Variants in ATXN2 observed in about 807,000 individuals in gnomAD.
ATXN2 encodes the protein ataxin-2.
ATXN2 carries 37 observed loss-of-function variants against 138.6 expected under a neutral mutation model. That is an observed-to-expected ratio of 0.27 (90% CI 0.21 to 0.35). The LOEUF (loss-of-function observed/expected upper bound fraction) is 0.35. Among genes scored for constraint, ATXN2 ranks in the 10% least tolerant of loss-of-function variants. ATXN2 has a pLI of 1.00. For synonymous variants in ATXN2, 549 were observed against 543.7 expected (o/e 1.01, Z -0.13); for missense variants, 1,216 against 1,480.3 (o/e 0.82, Z 2.93).
At position 111,552,645 on chromosome 12, in the gene ATXN2, AGTACAT is replaced by A; in HGVS notation, c.421-221_421-216del. The A allele has an allele frequency of 1.7e-6, 1 of 596,162 alleles. No individual in the cohort carries two copies. The highest frequency in any genetic ancestry group is 2.7e-5 in the South Asian group (1 of 36,486). The allele number at this position is 596,162 out of a possible 1,614,324, so 36.9% of individuals were successfully genotyped here. A position where few individuals can be genotyped will look rare whatever the true frequency, so the allele number is the denominator to read the frequency against. ...TTTTTTGTTTCTATGGTTTGTCTTA[AGTACAT>A]TAATAATAATTTTTAAGAGGAAAAA... On this transcript the variant is annotated intron_variant, in intron 4 of 24. Transcript: ENST00000673436. The surrounding 1 kb of genome is among the most constrained non-coding windows in gnomAD (Gnocchi z 4.1).
Position 111,549,358 on chromosome 12 carries a change from T to G in ATXN2, c.571+2922A>C, listed in dbSNP as rs540379612. ...CTGGCCAACATGGTGAAACCCAGTC[T>G]GTACTAAGAATACAAACAAAAAAAA... is the stretch of plus-strand genomic sequence containing the variant. On this transcript the variant is annotated intron_variant, in intron 5 of 24. Transcript: ENST00000673436. 7.9e-5 allele frequency among the ~76,000 whole-genome samples: 12 copies of G among 151,988 alleles called. 2 individuals carry two copies. The highest frequency in any genetic ancestry group is 2.9e-4 in the African/African-American group (12 of 41,462).
chr12:111,599,283 CAA>C lies in ATXN2; in HGVS notation c.-251_-250del, dbSNP rs1206810078. ...GCGCCGCCGCCGTTGCCGTTGCTAC[CAA>C]AACAGTCTGAGGCGGAGGGAGGCGA... On this transcript the variant is annotated 5_prime_UTR_variant, in exon 1 of 25. Coordinates refer to ENST00000673436, the MANE Select transcript of ATXN2 (RefSeq NM_001372574.1). 1.0e-6 allele frequency: 1 copy of C among 993,060 alleles called. No individual in the cohort carries two copies. The highest frequency in any genetic ancestry group is 1.2e-6 in the Non-Finnish European group (1 of 841,736). 61.5% of individuals were successfully genotyped at this position (993,060 alleles called of 1,614,324 possible).
chr12:111,566,964 T>C (rs1035163125), intron 1 of ATXN2, among the ~76,000 whole-genome samples: 4 of 152,118 alleles, frequency 2.6e-5, no homozygotes, highest in African/African-American at 9.7e-5. Context: ...TACTCATGAA[T>C]GATTTTGAGG....
intron 21 of ATXN2, among the ~76,000 whole-genome samples, chr12:111,463,753 G>C (rs12310522): frequency 0.1 from 15,523 of 152,016 alleles, 2,651 homozygotes; most frequent in African/African-American, 0.35. Context: ...ATGATCTCTT[G>C]CTTAAGCTCA....
intron 20 of ATXN2, among the ~76,000 whole-genome samples, chr12:111,465,762 T>C (rs1230795459): frequency 1.3e-5 from 1 of 76,690 alleles, no homozygotes; most frequent in Non-Finnish European, 2.2e-5. Flanking sequence ...AGAGTGAGAC[T>C]ACCTCAAAAA....
chr12:111,457,185 C>T (rs780071979), intron 22 of ATXN2, 29 bp downstream of exon 22: 2 of 1,594,914 alleles, frequency 1.3e-6, no homozygotes, highest in Non-Finnish European at 1.7e-6. Flanking sequence ...AAAGAAGCCA[C>T]TCCATGCAGA....
intron 9 of ATXN2, among the ~76,000 whole-genome samples, chr12:111,518,046 A>G (rs1246587137): frequency 6.6e-6 from 1 of 152,234 alleles, no homozygotes; most frequent in Non-Finnish European, 1.5e-5. Context: ...ATCATGCTAA[A>G]TAATATATAT....
intron 5 of ATXN2, among the ~76,000 whole-genome samples, chr12:111,537,922 C>T (rs753108195): frequency 6.6e-6 from 1 of 151,900 alleles, no homozygotes; most frequent in Non-Finnish European, 1.5e-5. Flanking sequence ...ATAATGAGAC[C>T]TCATCAAACA....
intron 1 of ATXN2, among the ~76,000 whole-genome samples, chr12:111,596,302 A>T (rs1884939894): frequency 6.6e-6 from 1 of 151,832 alleles, no homozygotes. Flanking sequence ...ATCTTTCCTA[A>T]AACAGCCACC....
At chr12:111,578,778 T>A (rs887386418) in intron 1 of ATXN2, among the ~76,000 whole-genome samples, 1 of 152,078 alleles carries the variant, frequency 6.6e-6, no homozygotes, top group Non-Finnish European at 1.5e-5. Flanking sequence ...CAGGGGCTCA[T>A]ATCTATAATC....
At chr12:111,555,953 A>T (rs2135790500) in intron 1 of ATXN2, 34 bp from the exon 2 acceptor site, 1 of 1,488,526 alleles carries the variant, frequency 6.7e-7, no homozygotes, top group Non-Finnish European at 9.2e-7. Context: ...TATTAAATTC[A>T]ACAGGCTAAA....
At chr12:111,460,452 C>T (rs902939548) in intron 21 of ATXN2, among the ~76,000 whole-genome samples, 2 of 152,174 alleles carry the variant, frequency 1.3e-5, no homozygotes, top group African/African-American at 2.4e-5. Flanking sequence ...TAACCCCTAC[C>T]GCCACCCCAG....
At chr12:111,454,078 T>C in intron 23 of ATXN2, 3 of 476,694 alleles carry the variant, frequency 6.3e-6, no homozygotes, top group Non-Finnish European at 3.7e-6. Context: ...TGAGCCTGGG[T>C]AGAAGTCAGG....
chr12:111,592,574 G>A (rs1884723448), intron 1 of ATXN2, among the ~76,000 whole-genome samples: 1 of 151,984 alleles, frequency 6.6e-6, no homozygotes, highest in Middle Eastern at 3.4e-3. Flanking sequence ...CCTGAGGTCA[G>A]GAGTTTGAGA....
intron 5 of ATXN2, among the ~76,000 whole-genome samples, chr12:111,545,513 G>T (rs757062312): frequency 1.3e-5 from 2 of 151,534 alleles, no homozygotes; most frequent in Non-Finnish European, 2.9e-5. Flanking sequence ...GCAGTGAGCT[G>T]AAATCACGCC....
intron 14 of ATXN2, among the ~76,000 whole-genome samples, chr12:111,502,394 G>C (rs368358202): frequency 6.6e-6 from 1 of 152,046 alleles, no homozygotes; most frequent in African/African-American, 2.4e-5. Context: ...TTTCCTCTCT[G>C]CACTATACTA....
intron 1 of ATXN2, chr12:111,597,876 C>A: frequency 7.8e-7 from 1 of 1,288,556 alleles, no homozygotes; most frequent in Non-Finnish European, 1.0e-6. Flanking sequence ...ACCGCCACCC[C>A]GGATCTCCAG....
chr12:111,592,782 CAAAAAAAAAA>C (rs71083183), intron 1 of ATXN2, among the ~76,000 whole-genome samples: 1 of 26,018 alleles, frequency 3.8e-5, no homozygotes, highest in Non-Finnish European at 8.3e-5. Flanking sequence ...GACTCCGTCT[CAAAAAAAAAA>C]AAAAAAAAAA....
At chr12:111,581,670 C>A (rs1884013750) in intron 1 of ATXN2, 1 of 711,458 alleles carries the variant, frequency 1.4e-6, no homozygotes, top group South Asian at 1.5e-5. Flanking sequence ...AGGGCCCAGG[C>A]CTATGCCTTT....
Sources: gnomAD v4.1 joint callset for allele counts (sites outside exome capture counted in the v4.1 genomes callset) on GRCh38, gnomAD v4.1.1 for gene constraint, Gnocchi (gnomAD v3.1) non-coding constraint, MANE v1.5 for transcripts, NCBI Gene and HGNC (gene_info 2026-07-23, HGNC 2026-07-21) for gene names.